The following SLC8A1 variants were observed in gnomAD, a reference collection of about 807,000 sequenced individuals.
SLC8A1 encodes the protein solute carrier family 8 member A1, also known as sodium/calcium exchanger 1.
In SLC8A1, 18 loss-of-function variants were observed where a neutral mutation model predicts 68.3. The ratio of observed to expected loss-of-function variants is 0.26; its 90% CI spans 0.18 to 0.39. SLC8A1 has a LOEUF of 0.39. Ranked by LOEUF, SLC8A1 falls within the 10% of genes least tolerant of loss-of-function variation. The pLI is 1.00. For missense variants in SLC8A1, 985 were observed against 1,156.7 expected (o/e 0.85, Z 2.15); for synonymous variants, 475 against 415.5 (o/e 1.14, Z -1.74).
At chr2:40,399,200 A>G (rs780388500) in intron 2 of SLC8A1, among the ~76,000 whole-genome samples, 1 of 152,196 alleles carries the variant, frequency 6.6e-6, no homozygotes, top group Non-Finnish European at 1.5e-5. Flanking sequence ...TTTTTATTAG[A>G]TTAAGCTTCC....
chr2:40,330,226 G>A (rs1300535160), intron 2 of SLC8A1, among the ~76,000 whole-genome samples: 3 of 152,154 alleles, frequency 2.0e-5, no homozygotes, highest in Admixed American at 2.0e-4. Flanking sequence ...CATAGTAGAG[G>A]CAGGATGATA....
chr2:40,287,094 A>G (rs1454029104), intron 2 of SLC8A1, among the ~76,000 whole-genome samples: 2 of 152,202 alleles, frequency 1.3e-5, no homozygotes, highest in Admixed American at 6.5e-5. Flanking sequence ...TCAGTAAGCA[A>G]TGTTACACTC....
intron 2 of SLC8A1, among the ~76,000 whole-genome samples, chr2:40,400,120 G>C (rs1398544462): frequency 1.3e-5 from 2 of 152,156 alleles, no homozygotes; most frequent in Non-Finnish European, 2.9e-5. Flanking sequence ...CCTTAGAGTT[G>C]TGAGCCCTTA....
chr2:40,120,642 TGATGA>T (rs1442123348), intron 7 of SLC8A1: 6 of 152,238 alleles, frequency 3.9e-5, no homozygotes, highest in African/African-American at 1.4e-4. Flanking sequence ...AATAATTAAC[TGATGA>T]TTATAACTAT....
chr2:40,439,786 C>G (rs1990610), intron 1 of SLC8A1, among the ~76,000 whole-genome samples: 90,137 of 151,838 alleles, frequency 0.59, 29,870 homozygotes, highest in East Asian at 0.94. Flanking sequence ...AGAATAAGCT[C>G]TTCTTGAAAA....
At chr2:40,309,007 C>G (rs1176133337) in intron 2 of SLC8A1, among the ~76,000 whole-genome samples, 2 of 152,198 alleles carry the variant, frequency 1.3e-5, no homozygotes, top group East Asian at 3.9e-4. Flanking sequence ...AAATTGCATT[C>G]ATGCAACCTA....
intron 1 of SLC8A1, among the ~76,000 whole-genome samples, chr2:40,482,288 TC>T (rs1199636934): frequency 3.3e-5 from 5 of 151,958 alleles, no homozygotes; most frequent in Admixed American, 2.0e-4. Flanking sequence ...CATTGCAGGG[TC>T]ATTTATAGCC....
intron 2 of SLC8A1, among the ~76,000 whole-genome samples, chr2:40,297,594 T>C (rs1263892826): frequency 1.3e-5 from 2 of 152,190 alleles, no homozygotes; most frequent in Non-Finnish European, 2.9e-5. Flanking sequence ...AAAGCAAACA[T>C]TTTCATTACT....
chr2:40,138,324 T>G (rs557055282), intron 7 of SLC8A1, among the ~76,000 whole-genome samples: 6 of 152,162 alleles, frequency 3.9e-5, no homozygotes, highest in Non-Finnish European at 8.8e-5. Flanking sequence ...TGGCAAACTT[T>G]AGTAGAAAAC....
intron 2 of SLC8A1, among the ~76,000 whole-genome samples, chr2:40,410,597 A>G (rs561266815): frequency 7.7e-4 from 117 of 152,226 alleles, no homozygotes; most frequent in African/African-American, 2.6e-3. Context: ...ATTAGAAAAA[A>G]TGTTTTACAT....
chr2:40,135,704 C>A (rs7423215), intron 7 of SLC8A1, among the ~76,000 whole-genome samples: 3 of 151,960 alleles, frequency 2.0e-5, no homozygotes, highest in Admixed American at 6.6e-5. Flanking sequence ...GGCGACAGAG[C>A]GAGTCTCCAT....
intron 2 of SLC8A1, among the ~76,000 whole-genome samples, chr2:40,306,718 T>A (rs2072686390): frequency 6.6e-6 from 1 of 152,170 alleles, no homozygotes; most frequent in African/African-American, 2.4e-5. Context: ...AGCCCCAATG[T>A]CAATTACTGC....
At chr2:40,298,516 T>C (rs1465759924) in intron 2 of SLC8A1, among the ~76,000 whole-genome samples, 4 of 152,294 alleles carry the variant, frequency 2.6e-5, no homozygotes, top group East Asian at 1.9e-4. Flanking sequence ...AGGGGAGTAC[T>C]CATTTCAGGA....
chr2:40,274,360 T>G (rs1463086370), intron 2 of SLC8A1, among the ~76,000 whole-genome samples: 1 of 152,006 alleles, frequency 6.6e-6, no homozygotes, highest in African/African-American at 2.4e-5. Context: ...ACAGCAAAAC[T>G]AGGCTGTCCA....
chr2:40,439,998 T>G (rs546729050), intron 1 of SLC8A1, among the ~76,000 whole-genome samples: 1 of 152,182 alleles, frequency 6.6e-6, no homozygotes, highest in South Asian at 2.1e-4. Context: ...ACAATACACT[T>G]TAAAAATGAA....
chr2:40,207,667 T>C (rs2055728692), intron 2 of SLC8A1, among the ~76,000 whole-genome samples: 1 of 152,112 alleles, frequency 6.6e-6, no homozygotes. Context: ...ATGGGCATAA[T>C]GTCCCCATAT....
At chr2:40,413,626 A>C (rs1017132809) in intron 2 of SLC8A1, among the ~76,000 whole-genome samples, 5 of 152,200 alleles carry the variant, frequency 3.3e-5, no homozygotes, top group African/African-American at 1.2e-4. Flanking sequence ...TCTTATTTCA[A>C]ATGCAAGTGA....
At chr2:40,397,237 T>A (rs1314091549) in intron 2 of SLC8A1, among the ~76,000 whole-genome samples, 1 of 152,216 alleles carries the variant, frequency 6.6e-6, no homozygotes, top group Non-Finnish European at 1.5e-5. Flanking sequence ...TATTCCACTG[T>A]CAGCTGCTAG....
intron 2 of SLC8A1, among the ~76,000 whole-genome samples, chr2:40,307,493 C>T (rs1318653991): frequency 1.3e-5 from 2 of 152,110 alleles, no homozygotes; most frequent in Non-Finnish European, 2.9e-5. Context: ...CACTATTGAA[C>T]TGTACACTTA....
Sources: allele counts gnomAD v4.1 joint callset (sites outside exome capture counted in the v4.1 genomes callset), GRCh38; gene constraint gnomAD v4.1.1; transcripts MANE v1.5; gene names NCBI Gene and HGNC (gene_info 2026-07-23, HGNC 2026-07-21).